Variants in TMEM50A observed in about 807,000 individuals in gnomAD.
TMEM50A encodes cervical cancer oncogene 9.
A neutral mutation model predicts 23.9 loss-of-function variants in TMEM50A; 8 were observed. The observed-to-expected ratio is 0.33, with a 90% CI of 0.20 to 0.60. The LOEUF (loss-of-function observed/expected upper bound fraction) is 0.60. Among genes scored for constraint, TMEM50A ranks in the 20% least tolerant of loss-of-function variants. The pLI, the probability that TMEM50A is intolerant of heterozygous loss-of-function variation, is 0.81. For synonymous variants in TMEM50A, 55 were observed against 60.4 expected (o/e 0.91, Z 0.41); for missense variants, 178 against 192.7 (o/e 0.92, Z 0.45).
At chr1:25,355,291 G>A (rs1487705236) in intron 5 of TMEM50A, among the ~76,000 whole-genome samples, 1 of 151,886 alleles carries the variant, frequency 6.6e-6, no homozygotes, top group Non-Finnish European at 1.5e-5. Context: ...CTGGGTAACA[G>A]TGGGAGACCC....
At chr1:25,358,064 C>T (rs940964628) in intron 6 of TMEM50A, among the ~76,000 whole-genome samples, 6 of 151,912 alleles carry the variant, frequency 3.9e-5, no homozygotes, top group African/African-American at 1.5e-4. Flanking sequence ...TCTCCTGCCT[C>T]AGCCTCCCGA....
At chr1:25,359,364 A>C (rs1231042774) in intron 6 of TMEM50A, among the ~76,000 whole-genome samples, 1 of 152,138 alleles carries the variant, frequency 6.6e-6, no homozygotes, top group Non-Finnish European at 1.5e-5. Flanking sequence ...GCCTCTTTTA[A>C]ATTGAAGCCT....
chr1:25,348,057 G>A (rs1192760785), intron 3 of TMEM50A, among the ~76,000 whole-genome samples: 2 of 152,180 alleles, frequency 1.3e-5, no homozygotes, highest in South Asian at 4.1e-4. Context: ...AGCTGTATAT[G>A]AGCTTGAATG....
chr1:25,357,644 G>T (rs1418446641), intron 6 of TMEM50A, among the ~76,000 whole-genome samples: 1 of 149,648 alleles, frequency 6.7e-6, no homozygotes, highest in Non-Finnish European at 1.5e-5. Context: ...GTGTGTGTGT[G>T]TGTGTTGTTT....
At chr1:25,359,013 C>G (rs1645365958) in intron 6 of TMEM50A, among the ~76,000 whole-genome samples, 1 of 152,222 alleles carries the variant, frequency 6.6e-6, no homozygotes, top group Non-Finnish European at 1.5e-5. Context: ...CCTTGGCCTC[C>G]CAAAGTGCTG....
Position 25,352,810 on chromosome 1 carries a change from T to G in TMEM50A, c.275-72T>G, listed in dbSNP as rs553358814. On this transcript the variant is annotated intron_variant, in intron 4 of 6. Coordinates refer to ENST00000374358, the MANE Select transcript of TMEM50A (RefSeq NM_014313.4). ...CACTTTTTTTTTTTCTGTTTGGGTTTTATTTTCTTTTTGAAAGTTAATTGT... is the reference window on the plus strand; with the variant it reads ...CACTTTTTTTTTTTCTGTTTGGGTTGTATTTTCTTTTTGAAAGTTAATTGT... 4.2e-6 allele frequency: 6 copies of G among 1,434,288 alleles called. No individual in the cohort carries two copies. The East Asian group carries it at 1.4e-4, about 33-fold the overall frequency. 88.8% of individuals were successfully genotyped at this position (1,434,288 alleles called of 1,614,324 possible). A position where few individuals can be genotyped will look rare whatever the true frequency, so the allele number is the denominator to read the frequency against.
intron 5 of TMEM50A, 98 bp downstream of exon 5, chr1:25,353,072 G>A: frequency 9.9e-7 from 1 of 1,008,164 alleles, no homozygotes; most frequent in Non-Finnish European, 1.5e-6. Flanking sequence ...CTATAGTTGG[G>A]CCAACTACTA....
chr1:25,343,767 G>A (rs3093594), intron 3 of TMEM50A, among the ~76,000 whole-genome samples: 1,548 of 152,234 alleles, frequency 0.01, 28 homozygotes, highest in African/African-American at 0.035. Flanking sequence ...AAGTGAAGGA[G>A]CTGACCAGGG....
intron 5 of TMEM50A, among the ~76,000 whole-genome samples, chr1:25,355,924 T>G (rs1165214276): frequency 6.6e-6 from 1 of 152,220 alleles, no homozygotes; most frequent in Non-Finnish European, 1.5e-5. Context: ...AGATGACATT[T>G]GTCTTCCTCC....
intron 4 of TMEM50A, among the ~76,000 whole-genome samples, chr1:25,352,260 C>A (rs971302225): frequency 6.6e-6 from 1 of 151,976 alleles, no homozygotes; most frequent in Non-Finnish European, 1.5e-5. Context: ...CTTTGAGAGG[C>A]CAAGGCAGGC....
At position 25,338,394 on chromosome 1, in the gene TMEM50A, G is replaced by A. The variant is rs1395398893; in HGVS notation, c.-76G>A. 6.5e-6 allele frequency: 1 copy of A among 153,786 alleles called. No homozygotes were observed. Among genetic ancestry groups the A allele is most frequent in the Non-Finnish European group, 1.4e-5 (1 of 69,356 alleles). 9.5% of individuals were successfully genotyped at this position (153,786 alleles called of 1,614,324 possible). ...TTTGTTTTCTTGGCTAAAATCGGGGGAGTGAGGCGGGCCGGCGCGGCGCGA... is the reference window on the plus strand; with the variant it reads ...TTTGTTTTCTTGGCTAAAATCGGGGAAGTGAGGCGGGCCGGCGCGGCGCGA... On this transcript the variant is annotated 5_prime_UTR_variant, in exon 1 of 7. Coordinates refer to ENST00000374358, the MANE Select transcript of TMEM50A (RefSeq NM_014313.4).
intron 5 of TMEM50A, among the ~76,000 whole-genome samples, chr1:25,355,937 C>T (rs1352897268): frequency 2.0e-5 from 3 of 152,198 alleles, no homozygotes; most frequent in Non-Finnish European, 2.9e-5. Context: ...CTTCCTCCCA[C>T]GCCCCATATC....
At chr1:25,344,360 C>T (rs886119332) in intron 3 of TMEM50A, among the ~76,000 whole-genome samples, 2 of 152,082 alleles carry the variant, frequency 1.3e-5, no homozygotes, top group East Asian at 1.9e-4. Context: ...TTTTTAAAAC[C>T]GGTAAACAAA....
In TMEM50A at chr1:25,352,989, AG is replaced by A; in HGVS notation, c.367+17del. The A allele has an allele frequency of 1.3e-6, 2 of 1,599,448 alleles. No individual in the cohort carries two copies. Among genetic ancestry groups the A allele is most frequent in the Non-Finnish European group, 1.7e-6 (2 of 1,173,700 alleles). ...TGTTGCTAAAGGTAAGAGAAAACATAGGTTACAATTTACTTCAGTGGAATAC... is the reference window on the plus strand; with the variant it reads ...TGTTGCTAAAGGTAAGAGAAAACATAGTTACAATTTACTTCAGTGGAATAC... On this transcript the variant is annotated intron_variant, in intron 5 of 6. Coordinates refer to ENST00000374358, the MANE Select transcript of TMEM50A (RefSeq NM_014313.4).
In TMEM50A at chr1:25,342,986, T is replaced by C. The variant is rs1645180814; in HGVS notation, c.119T>C (p.Ile40Thr). Residue 40 changes from isoleucine to threonine, a missense_variant, in exon 3 of 7, where the codon ATA (isoleucine) becomes ACA (threonine). Coordinates refer to ENST00000374358, the MANE Select transcript of TMEM50A (RefSeq NM_014313.4). ...VLFFTGWWII[I>T]DAAVIYPTMK... ...TTTTTTACAGGCTGGTGGATTATCA[T>C]AGATGCAGCTGTTATTTATCCCACC... 3 of 1,613,628 alleles carry C rather than the reference T, an allele frequency of 1.9e-6. No homozygotes were observed. Among genetic ancestry groups the C allele is most frequent in the Non-Finnish European group, 2.5e-6 (3 of 1,179,812 alleles).
chr1:25,353,089 C>A, intron 5 of TMEM50A, 115 bp downstream of exon 5: 1 of 793,292 alleles, frequency 1.3e-6, no homozygotes, highest in South Asian at 1.9e-5. Flanking sequence ...ACTAGCGATG[C>A]ATTTATATCC....
Position 25,360,733 on chromosome 1 carries a change from G to A in TMEM50A, c.*28G>A, listed in dbSNP as rs1252728981. On this transcript the variant is annotated 3_prime_UTR_variant, in exon 7 of 7. Coordinates refer to ENST00000374358, the MANE Select transcript of TMEM50A (RefSeq NM_014313.4). ...ACATCTGATTTCCCACAGCACAACA[G>A]CCCTGCATGGGTTTGTTTGTTTTTT... 7 of 1,613,184 alleles carry A rather than the reference G, an allele frequency of 4.3e-6. No homozygotes were observed. Among genetic ancestry groups the A allele is most frequent in the East Asian group, 4.5e-5 (2 of 44,864 alleles).
Position 25,349,684 on chromosome 1 carries a change from G to A in TMEM50A, c.207-1942G>A, listed in dbSNP as rs566285137. Among the ~76,000 whole-genome samples, 6 of 152,162 alleles carry A rather than the reference G, an allele frequency of 3.9e-5. No individual in the cohort carries two copies. In the South Asian group the frequency reaches 1.2e-3, roughly 32 times the overall value. ...TGCCCAGGCTGGTCTCAAAGTCCCG[G>A]GCTTAAGCAATCCTCCTACCTTGGC... On this transcript the variant is annotated intron_variant, in intron 3 of 6. Coordinates refer to ENST00000374358, the MANE Select transcript of TMEM50A (RefSeq NM_014313.4).
intron 1 of TMEM50A, 120 bp from the exon 2 acceptor site, chr1:25,340,354 C>A: frequency 1.6e-6 from 1 of 611,976 alleles, no homozygotes. Flanking sequence ...TATGTGGAAC[C>A]AAAATAAAGC....
Sources: gnomAD v4.1 joint callset for allele counts (sites outside exome capture counted in the v4.1 genomes callset) on GRCh38, gnomAD v4.1.1 for gene constraint, MANE v1.5 for transcripts, NCBI Gene and HGNC (gene_info 2026-07-23, HGNC 2026-07-21) for gene names.